The following TMX4 variants were observed in gnomAD, a reference collection of about 807,000 sequenced individuals.
The protein encoded by TMX4 is thioredoxin-related transmembrane protein 4.
TMX4 carries 23 observed loss-of-function variants against 33.3 expected under a neutral mutation model. The observed-to-expected ratio is 0.69, with a 90% CI of 0.50 to 0.98. The LOEUF (loss-of-function observed/expected upper bound fraction) is 0.98, where lower values mean the gene tolerates loss of function less well. TMX4 is among the 50% of genes least tolerant of loss of function. TMX4 has a pLI of 0.00. For missense variants in TMX4, 399 were observed against 448.9 expected (o/e 0.89, Z 1.01); for synonymous variants, 164 against 161.5 (o/e 1.02, Z -0.12).
At chr20:8,015,000 CTTTTTTTCTT>C (rs2050767441) in intron 1 of TMX4, among the ~76,000 whole-genome samples, 2 of 148,492 alleles carry the variant, frequency 1.3e-5, no homozygotes, top group East Asian at 5.3e-4. Context: ...TAGCCAGCTT[CTTTTTTTCTT>C]TTTTTTTTTT....
chr20:8,011,946 C>A (rs1190921422), intron 1 of TMX4, among the ~76,000 whole-genome samples: 1 of 152,052 alleles, frequency 6.6e-6, no homozygotes, highest in Non-Finnish European at 1.5e-5. Context: ...AAAGTACATT[C>A]TTGATATACA....
At chr20:7,998,040 G>A (rs576957457) in intron 4 of TMX4, among the ~76,000 whole-genome samples, 4 of 151,882 alleles carry the variant, frequency 2.6e-5, no homozygotes, top group African/African-American at 7.2e-5. Context: ...CTTCCCCTTC[G>A]CCTTCCACCA....
chr20:8,002,570 G>T (rs1466856833), intron 2 of TMX4, among the ~76,000 whole-genome samples: 1 of 152,062 alleles, frequency 6.6e-6, no homozygotes, highest in Non-Finnish European at 1.5e-5. Flanking sequence ...AAATGACAGA[G>T]GCATCATTTT....
chr20:7,989,189 G>A (rs927884297), intron 5 of TMX4, among the ~76,000 whole-genome samples: 7 of 151,910 alleles, frequency 4.6e-5, no homozygotes, highest in Non-Finnish European at 7.4e-5. Context: ...TGCTTTTCTC[G>A]GAGGACTCAG....
At chr20:7,991,597 C>T (rs942953603) in intron 5 of TMX4, among the ~76,000 whole-genome samples, 1 of 152,138 alleles carries the variant, frequency 6.6e-6, no homozygotes, top group African/African-American at 2.4e-5. Context: ...GATGCTCAAC[C>T]TATATGCTGA....
chr20:8,010,467 A>G, intron 1 of TMX4, 152 bp from the exon 2 acceptor site: 1 of 471,582 alleles, frequency 2.1e-6, no homozygotes, highest in Non-Finnish European at 3.4e-6. Flanking sequence ...GAAAAACAGA[A>G]GCACATTGTC....
rs547599923 is a variant in TMX4, at chr20:7,980,557, G to C, written c.*1694C>G. Reference sequence around the variant, plus strand: ...AGGAAACAGGCAGGCACATGGCAAGGTTCTCCCAGCCCATCAGCCCAGTGA... The same window carrying C: ...AGGAAACAGGCAGGCACATGGCAAGCTTCTCCCAGCCCATCAGCCCAGTGA... On this transcript the variant is annotated 3_prime_UTR_variant, in exon 8 of 8. Coordinates refer to ENST00000246024, the MANE Select transcript of TMX4 (RefSeq NM_021156.4). The C allele has an allele frequency of 1.9e-4, 29 of 152,508 alleles. 1 individual carries two copies. Among genetic ancestry groups the C allele is most frequent in the African/African-American group, 6.3e-4 (26 of 41,564 alleles). 9.4% of individuals were successfully genotyped at this position (152,508 alleles called of 1,614,324 possible).
chr20:7,993,781 G>GCACA (rs138693877), intron 5 of TMX4, among the ~76,000 whole-genome samples: 1,801 of 149,388 alleles, frequency 0.012, 29 homozygotes, highest in African/African-American at 0.04. Flanking sequence ...TTAAGGTAAT[G>GCACA]CACACACACA....
At chr20:8,013,595 T>C (rs1006165391) in intron 1 of TMX4, among the ~76,000 whole-genome samples, 4 of 152,220 alleles carry the variant, frequency 2.6e-5, no homozygotes, top group Admixed American at 2.6e-4. Context: ...TTGTTGTCCA[T>C]GTTGTCCGTG....
chr20:7,993,872 C>T (rs2050665311), intron 5 of TMX4, among the ~76,000 whole-genome samples: 1 of 152,132 alleles, frequency 6.6e-6, no homozygotes, highest in South Asian at 2.1e-4. Context: ...TACATACACA[C>T]ACCCTACAAT....
intron 4 of TMX4, among the ~76,000 whole-genome samples, chr20:7,996,754 T>C (rs1425764159): frequency 6.6e-6 from 1 of 152,152 alleles, no homozygotes; most frequent in East Asian, 1.9e-4. Context: ...CTCTCTCTCC[T>C]AGAACAGTCT....
intron 2 of TMX4, among the ~76,000 whole-genome samples, chr20:8,004,166 C>T (rs1410767985): frequency 6.6e-6 from 1 of 151,632 alleles, no homozygotes; most frequent in East Asian, 1.9e-4. Context: ...AAAAGACATC[C>T]GAAAACTCTG....
chr20:7,984,621 ACTTTT>A (rs1424665440), intron 6 of TMX4, among the ~76,000 whole-genome samples: 1 of 152,092 alleles, frequency 6.6e-6, no homozygotes, highest in Non-Finnish European at 1.5e-5. Context: ...TTTCTTTCTG[ACTTTT>A]CTTTTTTATT....
At chr20:8,019,094 G>A in intron 1 of TMX4, 1 of 483,602 alleles carries the variant, frequency 2.1e-6, no homozygotes, top group South Asian at 1.6e-5. Flanking sequence ...CCTCCCTATG[G>A]GAAGCTGCCC....
chr20:8,016,159 T>C (rs902834351), intron 1 of TMX4, among the ~76,000 whole-genome samples: 3 of 152,216 alleles, frequency 2.0e-5, no homozygotes, highest in African/African-American at 7.2e-5. Context: ...GAGAAAAGCA[T>C]GCATCATACA....
chr20:8,009,155 G>A (rs144922223), intron 2 of TMX4, among the ~76,000 whole-genome samples: 1 of 152,214 alleles, frequency 6.6e-6, no homozygotes, highest in African/African-American at 2.4e-5. Context: ...CCACATTTTA[G>A]AGATTTAGAT....
intron 5 of TMX4, among the ~76,000 whole-genome samples, chr20:7,990,529 A>G (rs1469073965): frequency 1.3e-5 from 2 of 152,198 alleles, no homozygotes; most frequent in African/African-American, 2.4e-5. Context: ...GCCTCCATGC[A>G]TCTGAGGTAG....
Position 7,981,987 on chromosome 20 carries a change from AC to A in TMX4, c.*263del. On this transcript the variant is annotated 3_prime_UTR_variant, in exon 8 of 8. Coordinates refer to ENST00000246024, the MANE Select transcript of TMX4 (RefSeq NM_021156.4). Reference sequence around the variant, plus strand: ...GGCCTCCTCTGGTCGAGACTCTCTGACCCCTAAGTAAATGAACTTGTTCCCA... The same window carrying A: ...GGCCTCCTCTGGTCGAGACTCTCTGACCCTAAGTAAATGAACTTGTTCCCA... The A allele has an allele frequency of 2.5e-6, 1 of 400,512 alleles. No individual in the cohort carries two copies. The highest frequency in any genetic ancestry group is 3.8e-5 in the South Asian group (1 of 26,408). The allele number at this position is 400,512 out of a possible 1,614,324, so 24.8% of individuals were successfully genotyped here. A position where few individuals can be genotyped will look rare whatever the true frequency, so the allele number is the denominator to read the frequency against.
chr20:8,019,287 C>G, intron 1 of TMX4, 151 bp downstream of exon 1: 3 of 943,514 alleles, frequency 3.2e-6, no homozygotes, highest in Non-Finnish European at 4.5e-6. Context: ...GCAAGCGGCC[C>G]GGCACCGGCG....
Sources: gnomAD v4.1 joint callset for allele counts (sites outside exome capture counted in the v4.1 genomes callset) on GRCh38, gnomAD v4.1.1 for gene constraint, MANE v1.5 for transcripts, NCBI Gene and HGNC (gene_info 2026-07-23, HGNC 2026-07-21) for gene names.